Variants in CNOT10 observed in about 807,000 individuals in gnomAD.
CNOT10 encodes CCR4-NOT transcription complex, subunit 10.
CNOT10 carries 30 observed loss-of-function variants against 94.6 expected under a neutral mutation model. That is an observed-to-expected ratio of 0.32 (90% confidence interval 0.24 to 0.43). The LOEUF is 0.43. Among genes scored for constraint, CNOT10 ranks in the 20% least tolerant of loss-of-function variants. The probability of loss-of-function intolerance (pLI) is 1.00; values close to 1 mark genes in which losing one functional copy is unlikely to be tolerated. For synonymous variants in CNOT10, 289 were observed against 301.6 expected (o/e 0.96, Z 0.43); for missense variants, 759 against 877.2 (o/e 0.87, Z 1.70).
At position 32,717,219 on chromosome 3, in the gene CNOT10, C is replaced by A. The variant is rs1229998408; in HGVS notation, c.726C>A (p.Val242=). 7 of 1,604,606 alleles carry A rather than the reference C, an allele frequency of 4.4e-6. No individual in the cohort carries two copies. The highest frequency in any genetic ancestry group is 6.0e-6 in the Non-Finnish European group (7 of 1,173,630). ...CATGTAAAAGGGAAATCAAGTCAGTCATGAATACAGCTGGAAATGTAAGTT... is the reference window on the plus strand; with the variant it reads ...CATGTAAAAGGGAAATCAAGTCAGTAATGAATACAGCTGGAAATGTAAGTT... ...LKACKREIKS[V]MNTAGNSAPS... is the part of the protein sequence containing the mutation. The change falls in exon 7 of 19, where the codon GTC becomes GTA. Residue 242 remains valine, a synonymous_variant. Transcript: ENST00000328834.
intron 1 of CNOT10, among the ~76,000 whole-genome samples, chr3:32,687,085 A>G (rs554466850): frequency 4.6e-5 from 7 of 151,998 alleles, no homozygotes; most frequent in Non-Finnish European, 1.0e-4. Context: ...TATTGAAGGA[A>G]ACTTCCTGCT....
intron 1 of CNOT10, among the ~76,000 whole-genome samples, chr3:32,702,156 C>T (rs539574611): frequency 6.1e-4 from 89 of 144,716 alleles, no homozygotes; most frequent in Non-Finnish European, 1.1e-3. Context: ...AGTGAAGTGG[C>T]GTGATCTCAG....
At chr3:32,737,770 T>G (rs894315348) in intron 13 of CNOT10, among the ~76,000 whole-genome samples, 1 of 151,580 alleles carries the variant, frequency 6.6e-6, no homozygotes, top group Non-Finnish European at 1.5e-5. Flanking sequence ...TTGCAGTGAG[T>G]GTGCCACTGC....
intron 13 of CNOT10, 63 bp from the exon 14 acceptor site, chr3:32,759,395 G>T (rs1700351003): frequency 1.5e-5 from 17 of 1,163,732 alleles, no homozygotes; most frequent in South Asian, 1.3e-4. Flanking sequence ...TTCCTATTTA[G>T]CAAATATAAC....
In CNOT10 at chr3:32,708,803, A is replaced by T. The variant is rs767180641; in HGVS notation, c.413A>T (p.Gln138Leu). 1 of 1,610,794 alleles carries T rather than the reference A, an allele frequency of 6.2e-7. No homozygotes were observed. ...ATATCAGTTGGTGAAAAACTTTATCAGTTCATAGAGCCTTTTGGTATGTTA... is the reference window on the plus strand; with the variant it reads ...ATATCAGTTGGTGAAAAACTTTATCTGTTCATAGAGCCTTTTGGTATGTTA... ...EAISVGEKLY[Q>L]FIEPFEEKFA... Residue 138 changes from glutamine to leucine, a missense_variant, in exon 4 of 19, where the codon CAG (glutamine) becomes CTG (leucine). Physicochemically the swap from Gln to Leu is moderately radical, Grantham distance 113. Transcript: ENST00000328834.
At chr3:32,698,564 C>T (rs1697185357) in intron 1 of CNOT10, among the ~76,000 whole-genome samples, 1 of 152,000 alleles carries the variant, frequency 6.6e-6, no homozygotes, top group East Asian at 1.9e-4. Context: ...ATTTTTAGTT[C>T]TGGTGAAAGG....
intron 13 of CNOT10, among the ~76,000 whole-genome samples, chr3:32,758,091 G>A (rs1220070021): frequency 6.6e-6 from 1 of 152,170 alleles, no homozygotes; most frequent in Admixed American, 6.6e-5. Flanking sequence ...GAAGCAATGT[G>A]ATTGGATGGG....
At chr3:32,724,498 T>C (rs1698575971) in intron 8 of CNOT10, among the ~76,000 whole-genome samples, 1 of 151,254 alleles carries the variant, frequency 6.6e-6, no homozygotes, top group Admixed American at 6.6e-5. Context: ...CTGCAAGCTC[T>C]GCCTCCTGGG....
intron 13 of CNOT10, among the ~76,000 whole-genome samples, chr3:32,754,476 CA>C (rs1553637886): frequency 0.019 from 672 of 36,236 alleles, 31 homozygotes; most frequent in Middle Eastern, 0.019. Flanking sequence ...GACTCCGTCT[CA>C]AAAAAAAAAA....
intron 14 of CNOT10, among the ~76,000 whole-genome samples, 190 bp downstream of exon 14, chr3:32,759,761 G>A (rs982575705): frequency 4.6e-5 from 7 of 152,126 alleles, no homozygotes; most frequent in South Asian, 2.1e-4. Flanking sequence ...TGTACTGAGC[G>A]TTAGGAGACA....
chr3:32,746,627 G>A (rs554198721), intron 13 of CNOT10, among the ~76,000 whole-genome samples: 4 of 152,130 alleles, frequency 2.6e-5, no homozygotes, highest in Non-Finnish European at 5.9e-5. Context: ...ATGAGGTCAG[G>A]AGATTGAGAC....
chr3:32,700,116 C>T (rs144592933), intron 1 of CNOT10, among the ~76,000 whole-genome samples: 75 of 151,990 alleles, frequency 4.9e-4, no homozygotes, highest in Admixed American at 2.2e-3. Flanking sequence ...GCTGAGACTG[C>T]AGGCATGCAC....
chr3:32,728,776 G>A (rs1021838559), intron 10 of CNOT10, among the ~76,000 whole-genome samples: 12 of 152,018 alleles, frequency 7.9e-5, no homozygotes, highest in African/African-American at 2.2e-4. Flanking sequence ...ATCTGCTGGC[G>A]TAAGAATAGT....
intron 12 of CNOT10, among the ~76,000 whole-genome samples, chr3:32,735,351 G>C (rs1438191550): frequency 6.9e-6 from 1 of 145,328 alleles, no homozygotes; most frequent in Non-Finnish European, 1.5e-5. Flanking sequence ...TCTCAAAAAA[G>C]AAAGTAGCAG....
rs910408954 is a variant in CNOT10 at position 32,762,877 on chromosome 3, T to A, written c.1840+14T>A. On this transcript the variant is annotated intron_variant, in intron 15 of 18. Coordinates refer to ENST00000328834, the MANE Select transcript of CNOT10 (RefSeq NM_015442.3). ...AGCAGGACCAAGGTTAATGAGGACA[T>A]CTTTGATCAGAACTGGTCACTGTTT... is the stretch of plus-strand genomic sequence containing the variant. The A allele has an allele frequency of 6.6e-7, 1 of 1,525,990 alleles. No individual in the cohort carries two copies. The allele number at this position is 1,525,990 out of a possible 1,614,324, so 94.5% of individuals were successfully genotyped here. A position where few individuals can be genotyped will look rare whatever the true frequency, so the allele number is the denominator to read the frequency against.
intron 14 of CNOT10, among the ~76,000 whole-genome samples, chr3:32,760,314 A>G (rs898038017): frequency 6.6e-6 from 1 of 151,996 alleles, no homozygotes; most frequent in Admixed American, 6.6e-5. Flanking sequence ...TCCAAAGCAC[A>G]TTATCTTTTC....
intron 10 of CNOT10, 107 bp downstream of exon 10, chr3:32,727,977 C>G (rs373537357): frequency 2.8e-6 from 2 of 702,186 alleles, no homozygotes; most frequent in Non-Finnish European, 2.2e-6. Flanking sequence ...AGACATTTCT[C>G]TTTTTATTTA....
intron 17 of CNOT10, among the ~76,000 whole-genome samples, chr3:32,768,618 A>G (rs1315490345): frequency 3.3e-5 from 5 of 152,080 alleles, no homozygotes; most frequent in Non-Finnish European, 4.4e-5. Flanking sequence ...TATAAAGACG[A>G]TCTTGCCTAT....
chr3:32,743,387 T>C (rs1213874310), intron 13 of CNOT10, among the ~76,000 whole-genome samples: 1 of 152,050 alleles, frequency 6.6e-6, no homozygotes, highest in African/African-American at 2.4e-5. Context: ...CCCAGCACTT[T>C]GGGAGGCCAA....
Sources: allele counts gnomAD v4.1 joint callset (sites outside exome capture counted in the v4.1 genomes callset), GRCh38; gene constraint gnomAD v4.1.1; transcripts MANE v1.5; gene names NCBI Gene and HGNC (gene_info 2026-07-23, HGNC 2026-07-21).